The following DPP10 variants were observed in gnomAD, a reference collection of about 807,000 sequenced individuals.
DPP10 encodes the protein inactive dipeptidyl peptidase 10.
A neutral mutation model predicts 120.9 loss-of-function variants in DPP10; 33 were observed. That is an observed-to-expected ratio of 0.27 (90% CI 0.21 to 0.37). DPP10 has a LOEUF of 0.37. DPP10 is among the 10% of genes least tolerant of loss of function. The probability of loss-of-function intolerance (pLI) is 1.00; values close to 1 mark genes in which losing one functional copy is unlikely to be tolerated. For missense variants in DPP10, 816 were observed against 942.8 expected, an observed-to-expected ratio of 0.87 and a Z score of 1.76; for synonymous variants, 337 against 326.1, an observed-to-expected ratio of 1.03 and a Z score of -0.36.
At chr2:114,818,958 G>C (rs1290667855) in intron 1 of DPP10, among the ~76,000 whole-genome samples, 1 of 152,128 alleles carries the variant, frequency 6.6e-6, no homozygotes, top group African/African-American at 2.4e-5. Flanking sequence ...TGATGAGTTT[G>C]AGTCTCCAAA....
intron 8 of DPP10, among the ~76,000 whole-genome samples, chr2:115,736,625 G>C (rs1282717809): frequency 6.6e-6 from 1 of 152,032 alleles, no homozygotes; most frequent in Non-Finnish European, 1.5e-5. Context: ...TGTCTTGATG[G>C]AAAGGTTTTC....
At chr2:114,634,532 G>A (rs576437828) in intron 1 of DPP10, among the ~76,000 whole-genome samples, 1 of 151,868 alleles carries the variant, frequency 6.6e-6, no homozygotes, top group South Asian at 2.1e-4. Flanking sequence ...CTTTGCAAAC[G>A]GCCTATTAAA....
At chr2:115,110,367 T>C (rs913844150) in intron 1 of DPP10, among the ~76,000 whole-genome samples, 1 of 152,182 alleles carries the variant, frequency 6.6e-6, no homozygotes, top group Non-Finnish European at 1.5e-5. Context: ...ACATTTTCCC[T>C]TGCCTGTCTT....
At chr2:114,497,793 G>A (rs1682809896) in intron 1 of DPP10, among the ~76,000 whole-genome samples, 2 of 152,252 alleles carry the variant, frequency 1.3e-5, no homozygotes, top group South Asian at 4.1e-4. Context: ...CCCCTTCAAT[G>A]GAAAATAAGG....
At chr2:115,383,346 G>T (rs1318398011) in intron 3 of DPP10, among the ~76,000 whole-genome samples, 4 of 152,178 alleles carry the variant, frequency 2.6e-5, no homozygotes, top group African/African-American at 9.7e-5. Context: ...TCTCTTGTCT[G>T]CCACCATGTG....
At position 115,793,415 on chromosome 2, in the gene DPP10, AATT is replaced by A. The variant is rs757891436; in HGVS notation, c.1700+2067_1700+2069del. ...TTTAATAAATCATAAGCAGAATTAT[AATT>A]ATTATTAGTATGGTGCAAAAGTAAT... On this transcript the variant is annotated intron_variant, in intron 19 of 25. Coordinates refer to ENST00000410059, the MANE Select transcript of DPP10 (RefSeq NM_020868.6). 3.3e-5 allele frequency among the ~76,000 whole-genome samples: 5 copies of A among 152,258 alleles called. No homozygotes were observed. The South Asian group carries it at 6.2e-4, about 19-fold the overall frequency.
chr2:115,206,525 C>T (rs1214278038), intron 1 of DPP10, among the ~76,000 whole-genome samples: 1 of 152,106 alleles, frequency 6.6e-6, no homozygotes, highest in Non-Finnish European at 1.5e-5. Context: ...ACAACAAAAC[C>T]ATGTCTATTT....
intron 1 of DPP10, among the ~76,000 whole-genome samples, chr2:114,954,377 C>A (rs1698048016): frequency 6.6e-6 from 1 of 152,002 alleles, no homozygotes; most frequent in African/African-American, 2.4e-5. Context: ...GCCACAGCGC[C>A]CGGCCAAGAA....
intron 1 of DPP10, among the ~76,000 whole-genome samples, chr2:114,452,375 C>G (rs1055674573): frequency 6.6e-6 from 1 of 152,100 alleles, no homozygotes; most frequent in African/African-American, 2.4e-5. Context: ...GGTGATCTCT[C>G]TTGATGGCTC....
intron 1 of DPP10, among the ~76,000 whole-genome samples, chr2:115,305,469 A>G (rs780036082): frequency 3.3e-5 from 5 of 152,090 alleles, no homozygotes; most frequent in Non-Finnish European, 5.9e-5. Context: ...GTAGTGGCTT[A>G]TGGTTTTAAT....
intron 3 of DPP10, among the ~76,000 whole-genome samples, chr2:115,394,123 C>T (rs1428423718): frequency 6.6e-6 from 1 of 152,092 alleles, no homozygotes; most frequent in African/African-American, 2.4e-5. Flanking sequence ...GGAATCGATT[C>T]TAAAAACTAG....
intron 1 of DPP10, among the ~76,000 whole-genome samples, chr2:115,051,017 G>C (rs1453828459): frequency 6.6e-6 from 1 of 152,158 alleles, no homozygotes; most frequent in Admixed American, 6.5e-5. Flanking sequence ...CTCTGGAGAA[G>C]AGAAAAACCT....
At chr2:115,616,161 T>C (rs889862639) in intron 5 of DPP10, among the ~76,000 whole-genome samples, 3 of 152,174 alleles carry the variant, frequency 2.0e-5, no homozygotes, top group Non-Finnish European at 2.9e-5. Context: ...GCTCGTATTC[T>C]GTACAACAGT....
At chr2:114,801,283 A>AAAAGAAT (rs1190117035) in intron 1 of DPP10, among the ~76,000 whole-genome samples, 4 of 96,916 alleles carry the variant, frequency 4.1e-5, no homozygotes, top group African/African-American at 1.4e-4. Flanking sequence ...AAAAAAAGAA[A>AAAAGAAT]AAAAGAAAGA....
chr2:115,001,418 A>G (rs931317004), intron 1 of DPP10, among the ~76,000 whole-genome samples: 11 of 152,218 alleles, frequency 7.2e-5, no homozygotes, highest in African/African-American at 2.4e-4. Flanking sequence ...AAAGCCATCT[A>G]TGACAAACCC....
At chr2:115,310,354 A>C (rs1488497591) in intron 2 of DPP10, among the ~76,000 whole-genome samples, 1 of 152,208 alleles carries the variant, frequency 6.6e-6, no homozygotes, top group Non-Finnish European at 1.5e-5. Flanking sequence ...TGTTTTTCAG[A>C]GTCATTTAGT....
At chr2:114,505,391 GTC>G (rs1558822904) in intron 1 of DPP10, among the ~76,000 whole-genome samples, 1 of 151,816 alleles carries the variant, frequency 6.6e-6, no homozygotes, top group Non-Finnish European at 1.5e-5. Context: ...TTGATTCCCA[GTC>G]TCTGGTGATT....
chr2:115,010,649 GAGCCAC>G (rs1180416610), intron 1 of DPP10, among the ~76,000 whole-genome samples: 3 of 152,052 alleles, frequency 2.0e-5, no homozygotes, highest in Non-Finnish European at 4.4e-5. Context: ...AATTTAAAAT[GAGCCAC>G]ATATCATATC....
At chr2:115,082,236 A>G (rs1486095135) in intron 1 of DPP10, among the ~76,000 whole-genome samples, 1 of 152,120 alleles carries the variant, frequency 6.6e-6, no homozygotes, top group East Asian at 1.9e-4. Flanking sequence ...CCTTCCTGCT[A>G]AGGTCTTTGC....
Sources: allele counts gnomAD v4.1 joint callset (sites outside exome capture counted in the v4.1 genomes callset), GRCh38; gene constraint gnomAD v4.1.1; transcripts MANE v1.5; gene names NCBI Gene and HGNC (gene_info 2026-07-23, HGNC 2026-07-21).